The following BCAS3 variants were observed in gnomAD, a reference collection of about 807,000 sequenced individuals.
BCAS3 encodes the protein BCAS3 microtubule associated cell migration factor, also known as BCAS4/BCAS3 fusion.
A neutral mutation model predicts 116.1 loss-of-function variants in BCAS3; 53 were observed. That is an observed-to-expected ratio of 0.46 (90% CI 0.37 to 0.57). The LOEUF is 0.57. BCAS3 is among the 20% of genes least tolerant of loss of function. The probability of loss-of-function intolerance (pLI) is 0.00; values close to 1 mark genes in which losing one functional copy is unlikely to be tolerated. For missense variants in BCAS3, 917 were observed against 1,165.4 expected, an observed-to-expected ratio of 0.79 and a Z score of 3.10; for synonymous variants, 391 against 408.2, an observed-to-expected ratio of 0.96 and a Z score of 0.51.
In BCAS3 at chr17:60,817,915, C is replaced by A. The variant is rs553154677; in HGVS notation, c.476+9839C>A. On this transcript the variant is annotated intron_variant, in intron 7 of 23. Coordinates refer to ENST00000407086, the MANE Select transcript of BCAS3 (RefSeq NM_017679.5). Reference sequence around the variant, plus strand: ...TGTCACCCAGGCTGGAGTGCAGTGGCGTGATCTTGGCTCACTGCAACCTCC... The same window carrying A: ...TGTCACCCAGGCTGGAGTGCAGTGGAGTGATCTTGGCTCACTGCAACCTCC... 3.1e-4 allele frequency among the ~76,000 whole-genome samples: 47 copies of A among 149,428 alleles called. 1 individual carries two copies. The East Asian group carries it at 9.3e-3, about 29-fold the overall frequency.
chr17:61,265,624 A>T lies in BCAS3; in HGVS notation c.2426-102703A>T, dbSNP rs186001504. Among the ~76,000 whole-genome samples the T allele has an allele frequency of 6.6e-6, 1 of 152,280 alleles. No homozygotes were observed. The highest frequency in any genetic ancestry group is 1.9e-4 in the East Asian group (1 of 5,182). On this transcript the variant is annotated intron_variant, in intron 22 of 23. Coordinates refer to ENST00000407086, the MANE Select transcript of BCAS3 (RefSeq NM_017679.5). The surrounding 1 kb of genome is among the most constrained non-coding windows in gnomAD (Gnocchi z 4.3). ...CGTAAGGATTGCCAATTCATGCCCA[A>T]ACTTAGTGAAGCAAGCTCACTTGAT...
chr17:61,239,522 G>A lies in BCAS3; in HGVS notation c.2426-128805G>A, dbSNP rs2083305968. 2.0e-5 allele frequency among the ~76,000 whole-genome samples: 3 copies of A among 152,052 alleles called. No individual in the cohort carries two copies. In the South Asian group the frequency reaches 6.2e-4, roughly 32 times the overall value. On this transcript the variant is annotated intron_variant, in intron 22 of 23. Transcript: ENST00000407086. The surrounding 1 kb of genome is among the most constrained non-coding windows in gnomAD (Gnocchi z 4.2). ...TGATGAGTAATTCTTTCTTTCTGAC[G>A]TTAATCATTTGCATTTTATCAGTGG... is the stretch of plus-strand genomic sequence containing the variant.
chr17:61,011,191 G>A (rs2065091439), intron 15 of BCAS3, among the ~76,000 whole-genome samples: 1 of 152,036 alleles, frequency 6.6e-6, no homozygotes, highest in Non-Finnish European at 1.5e-5. Context: ...TAGTGAAGGT[G>A]ATACCTTGTA....
Position 61,075,026 on chromosome 17 carries a change from A to C in BCAS3, c.2130+6A>C, listed in dbSNP as rs760645823. On this transcript the variant is annotated splice_donor_region_variant and intron_variant, in intron 20 of 23. Transcript: ENST00000407086. ...ATGAAGAATGGCTTTCCCAGGTAAA[A>C]CTCTGAAATATTGAGAGTATTAAAG... 6.3e-7 allele frequency: 1 copy of C among 1,590,196 alleles called. No homozygotes were observed. The highest frequency in any genetic ancestry group is 1.3e-5 in the African/African-American group (1 of 74,200).
At chr17:60,733,511 T>C (rs1385807263) in intron 5 of BCAS3, among the ~76,000 whole-genome samples, 1 of 152,224 alleles carries the variant, frequency 6.6e-6, no homozygotes, top group Admixed American at 6.5e-5. Context: ...GGCATTCTTT[T>C]CCTATGATCT....
In BCAS3 at chr17:61,336,619, C is replaced by CA. The variant is rs2056745888; in HGVS notation, c.2426-31707dup. On this transcript the variant is annotated intron_variant, in intron 22 of 23. Coordinates refer to ENST00000407086, the MANE Select transcript of BCAS3 (RefSeq NM_017679.5). ...ATGCCAAGCCTGGCTTCCCCGCAGT[C>CA]ACAATCCTTTGTACTTTGTACTGGG... Among the ~76,000 whole-genome samples, 6 of 152,356 alleles carry CA rather than the reference C, an allele frequency of 3.9e-5. No homozygotes were observed. In the South Asian group the frequency reaches 1.2e-3, roughly 32 times the overall value.
intron 19 of BCAS3, chr17:61,069,834 TAAA>T (rs746344496): frequency 0.016 from 9,515 of 578,034 alleles, no homozygotes; most frequent in East Asian, 0.023. Flanking sequence ...AGACCCTGTG[TAAA>T]AAAAAAAAAA....
intron 13 of BCAS3, among the ~76,000 whole-genome samples, chr17:60,943,701 C>G (rs1295290864): frequency 6.6e-6 from 1 of 151,954 alleles, no homozygotes; most frequent in Non-Finnish European, 1.5e-5. Context: ...AATTACATAC[C>G]TTTCTAGAAT....
rs545289190 is a variant in BCAS3, at chr17:61,023,798, T to G, written c.1637+7897T>G. On this transcript the variant is annotated intron_variant, in intron 16 of 23. Transcript: ENST00000407086. This position sits in a 1 kb window ranked among gnomAD's most constrained non-coding sequence, Gnocchi z 4.8. ...ATAAGTCTGTAATATTTCTGGATTT[T>G]TAGTCTCTTGACCAGATTTTCCTGA... 5.3e-5 allele frequency among the ~76,000 whole-genome samples: 8 copies of G among 152,254 alleles called. No homozygotes were observed. Among genetic ancestry groups the G allele is most frequent in the African/African-American group, 1.9e-4 (8 of 41,562 alleles).
rs917822929 is a variant in BCAS3, at chr17:61,352,062, C to T, written c.2426-16265C>T. 6.6e-6 allele frequency among the ~76,000 whole-genome samples: 1 copy of T among 152,184 alleles called. No individual in the cohort carries two copies. The highest frequency in any genetic ancestry group is 1.5e-5 in the Non-Finnish European group (1 of 68,022). Reference sequence around the variant, plus strand: ...ATTTTTTTCCCCAATCTGAGGGATACAAGAAAACTATTCTAGTAGTTTTTC... The same window carrying T: ...ATTTTTTTCCCCAATCTGAGGGATATAAGAAAACTATTCTAGTAGTTTTTC... On this transcript the variant is annotated intron_variant, in intron 22 of 23. Transcript: ENST00000407086. The surrounding 1 kb of genome is among the most constrained non-coding windows in gnomAD (Gnocchi z 4.7).
Position 61,095,192 on chromosome 17 carries a change from C to T in BCAS3, c.2425+10628C>T, listed in dbSNP as rs975467756. 1.2e-4 allele frequency among the ~76,000 whole-genome samples: 19 copies of T among 152,154 alleles called. No individual in the cohort carries two copies. Among genetic ancestry groups the T allele is most frequent in the Non-Finnish European group, 2.6e-4 (18 of 68,034 alleles). On this transcript the variant is annotated intron_variant, in intron 22 of 23. Coordinates refer to ENST00000407086, the MANE Select transcript of BCAS3 (RefSeq NM_017679.5). This position sits in a 1 kb window ranked among gnomAD's most constrained non-coding sequence, Gnocchi z 4.7. ...TATTTGAGTTAGACCAACTTTTCTTCGTGTACGTCAACCAAAACAGCATAT... is the reference window on the plus strand; with the variant it reads ...TATTTGAGTTAGACCAACTTTTCTTTGTGTACGTCAACCAAAACAGCATAT...
chr17:60,802,295 A>AAAAATATATATAT (rs1299403402), intron 6 of BCAS3, among the ~76,000 whole-genome samples: 1 of 127,946 alleles, frequency 7.8e-6, no homozygotes. Flanking sequence ...AAAAAAAAAA[A>AAAAATATATATAT]ATATATATAT....
In BCAS3 at chr17:61,017,067, C is replaced by G. The variant is rs972419781; in HGVS notation, c.1637+1166C>G. The stretch of plus-strand genomic sequence containing the variant: ...TCCCAAATCAGACATCTTAAGGCAC[C>G]AATAATTTGGTCTGTATATCTTTTT... On this transcript the variant is annotated intron_variant, in intron 16 of 23. Coordinates refer to ENST00000407086, the MANE Select transcript of BCAS3 (RefSeq NM_017679.5). This position sits in a 1 kb window ranked among gnomAD's most constrained non-coding sequence, Gnocchi z 4.7. 7.2e-5 allele frequency: 11 copies of G among 152,058 alleles called. No homozygotes were observed. The highest frequency in any genetic ancestry group is 7.2e-4 in the Admixed American group (11 of 15,262). The allele number at this position is 152,058 out of a possible 1,614,324, so 9.4% of individuals were successfully genotyped here. A position where few individuals can be genotyped will look rare whatever the true frequency, so the allele number is the denominator to read the frequency against.
intron 19 of BCAS3, among the ~76,000 whole-genome samples, chr17:61,045,823 T>TTCTC (rs1182475386): frequency 0.013 from 448 of 34,592 alleles, 12 homozygotes; most frequent in East Asian, 0.043. Flanking sequence ...TCATCTCTCT[T>TTCTC]TCTCTCTCTC....
intron 22 of BCAS3, among the ~76,000 whole-genome samples, chr17:61,234,769 T>A: frequency 7.6e-6 from 1 of 131,112 alleles, no homozygotes; most frequent in African/African-American, 3.0e-5. Context: ...ACCCTCTGGC[T>A]CAGGCTTTTT....
At chr17:60,980,333 A>G (rs989156404) in intron 14 of BCAS3, among the ~76,000 whole-genome samples, 8 of 152,082 alleles carry the variant, frequency 5.3e-5, no homozygotes, top group African/African-American at 1.7e-4. Context: ...TCTTTTCGGT[A>G]TGAAGTGGTA....
intron 19 of BCAS3, among the ~76,000 whole-genome samples, chr17:61,058,662 T>C (rs939512408): frequency 6.6e-6 from 1 of 152,240 alleles, no homozygotes; most frequent in Non-Finnish European, 1.5e-5. Context: ...CTTCCTTCAA[T>C]GTCTGTAACC....
At chr17:60,784,447 C>T (rs531942247) in intron 6 of BCAS3, among the ~76,000 whole-genome samples, 51 of 149,042 alleles carry the variant, frequency 3.4e-4, no homozygotes, top group Non-Finnish European at 6.2e-4. Flanking sequence ...TACAGGTGCC[C>T]GCCACCATGC....
Position 61,077,052 on chromosome 17 carries a change from A to G in BCAS3, c.2131-1281A>G, listed in dbSNP as rs935289024. Among the ~76,000 whole-genome samples the G allele has an allele frequency of 6.6e-6, 1 of 152,154 alleles. No homozygotes were observed. The highest frequency in any genetic ancestry group is 2.4e-5 in the African/African-American group (1 of 41,432). On this transcript the variant is annotated intron_variant, in intron 20 of 23. Transcript: ENST00000407086. The surrounding 1 kb of genome is among the most constrained non-coding windows in gnomAD (Gnocchi z 4.3). ...GGCATGTGGGAAGTCAATTACATAA[A>G]GTATTTGCACAGGCATGAATGTACC... is the stretch of plus-strand genomic sequence containing the variant.
Sources: gnomAD v4.1 joint callset for allele counts (sites outside exome capture counted in the v4.1 genomes callset) on GRCh38, gnomAD v4.1.1 for gene constraint, Gnocchi (gnomAD v3.1) non-coding constraint, MANE v1.5 for transcripts, NCBI Gene and HGNC (gene_info 2026-07-23, HGNC 2026-07-21) for gene names.